The following FRMD3 variants were observed in gnomAD, a reference collection of about 807,000 sequenced individuals.
FRMD3 encodes FERM domain-containing protein 3.
Under a neutral mutation model 70.2 loss-of-function variants are expected in FRMD3, and 33 were observed. That is an observed-to-expected ratio of 0.47 (90% CI 0.36 to 0.63). The LOEUF (loss-of-function observed/expected upper bound fraction) is 0.63. Among genes scored for constraint, FRMD3 ranks in the 20% least tolerant of loss-of-function variants. The pLI is 0.00. For synonymous variants in FRMD3, 279 were observed against 255.9 expected (o/e 1.09, Z -0.86); for missense variants, 632 against 711.4 (o/e 0.89, Z 1.27).
the FRMD3 span, among the ~76,000 whole-genome samples, chr9:83,554,724 C>T: frequency 4.6e-5 from 7 of 152,188 alleles, no homozygotes; most frequent in Admixed American, 1.3e-4. Flanking sequence ...TGGTTGCCTC[C>T]GGAGGCTGTG....
intron 13 of FRMD3, among the ~76,000 whole-genome samples, chr9:83,255,693 C>A (rs1380950922): frequency 6.6e-6 from 1 of 152,104 alleles, no homozygotes; most frequent in Non-Finnish European, 1.5e-5. Context: ...GATATAAAAT[C>A]AATGTGCAAA....
intron 5 of FRMD3, among the ~76,000 whole-genome samples, chr9:83,338,153 AGAG>A (rs1417722111): frequency 1.9e-4 from 29 of 152,236 alleles, no homozygotes; most frequent in Admixed American, 2.0e-4. Flanking sequence ...CAGTGTAGGG[AGAG>A]ATGCTCAAAC....
intron 8 of FRMD3, among the ~76,000 whole-genome samples, chr9:83,311,593 A>G (rs1156713428): frequency 1.3e-5 from 2 of 152,098 alleles, no homozygotes; most frequent in East Asian, 3.9e-4. Context: ...GCCCTGACCC[A>G]TCCGTGTGCC....
At chr9:83,399,128 G>GAA (rs1280964495) in intron 1 of FRMD3, among the ~76,000 whole-genome samples, 1 of 152,190 alleles carries the variant, frequency 6.6e-6, no homozygotes, top group African/African-American at 2.4e-5. Flanking sequence ...GAAAGACAAA[G>GAA]AAATAGTGCA....
chr9:83,456,593 TAC>T (rs1827824202), intron 1 of FRMD3, among the ~76,000 whole-genome samples: 1 of 152,254 alleles, frequency 6.6e-6, no homozygotes, highest in Non-Finnish European at 1.5e-5. Flanking sequence ...TTCATCAAAC[TAC>T]ATGGTAAATG....
chr9:83,458,096 G>A (rs1020999595), intron 1 of FRMD3, among the ~76,000 whole-genome samples: 1 of 150,898 alleles, frequency 6.6e-6, no homozygotes, highest in African/African-American at 2.4e-5. Flanking sequence ...TGAGCCCCTT[G>A]GCCACTGGCT....
chr9:83,441,885 G>A (rs1292485523), intron 1 of FRMD3, among the ~76,000 whole-genome samples: 2 of 152,108 alleles, frequency 1.3e-5, no homozygotes, highest in Admixed American at 6.6e-5. Flanking sequence ...AAAAAGGCCA[G>A]TATGAACTCC....
intron 1 of FRMD3, among the ~76,000 whole-genome samples, chr9:83,490,806 A>ACG (rs1165598247): frequency 6.6e-6 from 1 of 150,694 alleles, no homozygotes; most frequent in African/African-American, 2.4e-5. Context: ...TCTCACACAC[A>ACG]CACACACACA....
At chr9:83,358,079 A>C (rs1268200169) in intron 3 of FRMD3, among the ~76,000 whole-genome samples, 1 of 152,206 alleles carries the variant, frequency 6.6e-6, no homozygotes, top group Non-Finnish European at 1.5e-5. Flanking sequence ...CTTAGATTTA[A>C]GTCTTTGATC....
intron 13 of FRMD3, chr9:83,267,248 C>A: frequency 6.6e-7 from 1 of 1,512,832 alleles, no homozygotes; most frequent in African/African-American, 1.4e-5. Context: ...CTGAATGAAT[C>A]AAATGTCAGG....
intron 6 of FRMD3, among the ~76,000 whole-genome samples, chr9:83,328,791 G>A (rs948125972): frequency 3.9e-5 from 6 of 152,124 alleles, no homozygotes; most frequent in Non-Finnish European, 8.8e-5. Flanking sequence ...ATGGATGGAT[G>A]GAAAGATGCA....
At chr9:83,420,519 C>T (rs1564068953) in intron 1 of FRMD3, among the ~76,000 whole-genome samples, 3 of 152,106 alleles carry the variant, frequency 2.0e-5, no homozygotes, top group African/African-American at 7.2e-5. Context: ...CTAAAAGATA[C>T]CTTTGGATCT....
intron 13 of FRMD3, among the ~76,000 whole-genome samples, chr9:83,286,598 C>A (rs553943552): frequency 6.6e-6 from 1 of 152,326 alleles, no homozygotes; most frequent in African/African-American, 2.4e-5. Context: ...TCTGAAAGTG[C>A]TGGGGTTACA....
chr9:83,339,048 A>G (rs1397628933), intron 5 of FRMD3, among the ~76,000 whole-genome samples: 1 of 152,156 alleles, frequency 6.6e-6, no homozygotes. Flanking sequence ...CTTCAATGCA[A>G]ATGTCAGCTT....
chr9:83,341,583 C>T (rs1256153898), intron 5 of FRMD3, among the ~76,000 whole-genome samples: 1 of 152,078 alleles, frequency 6.6e-6, no homozygotes, highest in Non-Finnish European at 1.5e-5. Context: ...AGGAAGGGAA[C>T]TATGGGATTT....
Position 83,357,226 on chromosome 9 carries a change from TTATATATATATAATACATACATATATATA to T in FRMD3, c.296-7498_296-7470del, listed in dbSNP as rs1443664710. ...ATAACATACATGGAATATATATATT[TTATATATATATAATACATACATATATATA>T]TATATATATATATATATATATATAT... On this transcript the variant is annotated intron_variant, in intron 3 of 13. Transcript: ENST00000304195. Among the ~76,000 whole-genome samples the T allele has an allele frequency of 2.0e-4, 3 of 15,324 alleles. 1 individual carries two copies. The highest frequency in any genetic ancestry group is 1.2e-3 in the African/African-American group (3 of 2,450). The allele number at this position is 15,324 out of a possible 152,430, so 10.1% of individuals were successfully genotyped here.
intron 4 of FRMD3, among the ~76,000 whole-genome samples, chr9:83,345,070 T>G (rs1043044295): frequency 6.6e-6 from 1 of 152,102 alleles, no homozygotes; most frequent in Non-Finnish European, 1.5e-5. Context: ...TTCTGAGCCA[T>G]TGGTTCACTG....
the FRMD3 span, among the ~76,000 whole-genome samples, chr9:83,547,379 T>A: frequency 6.6e-6 from 1 of 150,440 alleles, no homozygotes. Context: ...TGTCTTTTTT[T>A]ACTGTTGTTG....
At chr9:83,388,801 A>G (rs1323189394) in intron 2 of FRMD3, among the ~76,000 whole-genome samples, 1 of 152,212 alleles carries the variant, frequency 6.6e-6, no homozygotes, top group Non-Finnish European at 1.5e-5. Context: ...GGTGAAATTC[A>G]CATAACGAAA....
Sources: allele counts gnomAD v4.1 joint callset (sites outside exome capture counted in the v4.1 genomes callset), GRCh38; gene constraint gnomAD v4.1.1; transcripts MANE v1.5; gene names NCBI Gene and HGNC (gene_info 2026-07-23, HGNC 2026-07-21).